CFAP299: variants seen among roughly 807,000 people sequenced by gnomAD.
CFAP299 encodes cilia and flagella associated protein 299, also known as cilia- and flagella-associated protein 299.
A neutral mutation model predicts 27.0 loss-of-function variants in CFAP299; 21 were observed. The ratio of observed to expected loss-of-function variants is 0.78; its 90% CI spans 0.55 to 1.12. CFAP299 has a LOEUF of 1.12. Among genes scored for constraint, CFAP299 ranks in the 50% most tolerant of loss-of-function variants. The pLI, the probability that CFAP299 is intolerant of heterozygous loss-of-function variation, is 0.00. For missense variants in CFAP299, 310 were observed against 276.6 expected (o/e 1.12, Z -0.86); for synonymous variants, 104 against 98.1 (o/e 1.06, Z -0.36).
At position 80,439,746 on chromosome 4, in the gene CFAP299, T is replaced by C. The variant is rs560594391; in HGVS notation, c.242+76862T>C. ...GAAGCCAGGGAGCCAAGTGGTCTTG[T>C]TCAGCAGGTCCCACTTCCACAGAGC... is the stretch of plus-strand genomic sequence containing the variant. On this transcript the variant is annotated intron_variant, in intron 2 of 5. Coordinates refer to ENST00000358105, the MANE Select transcript of CFAP299 (RefSeq NM_152770.3). Among the ~76,000 whole-genome samples the C allele has an allele frequency of 2.0e-5, 3 of 152,282 alleles. No individual in the cohort carries two copies. In the East Asian group the frequency reaches 5.8e-4, roughly 29 times the overall value.
chr4:80,335,212 A>AT (rs1560517305), upstream of CFAP299, among the ~76,000 whole-genome samples: 4 of 152,166 alleles, frequency 2.6e-5, no homozygotes, highest in African/African-American at 9.7e-5. Context: ...CTGCAAAGAC[A>AT]TTTTTTTGAC....
chr4:80,963,388 T>C (rs1738439868), intron 5 of CFAP299, 129 bp from the exon 6 acceptor site: 1 of 635,692 alleles, frequency 1.6e-6, no homozygotes, highest in Admixed American at 3.1e-5. Context: ...AAAACATGTA[T>C]ATATCTCCGT....
intron 3 of CFAP299, among the ~76,000 whole-genome samples, chr4:80,707,000 A>G (rs1039209259): frequency 6.6e-6 from 1 of 152,016 alleles, no homozygotes; most frequent in Non-Finnish European, 1.5e-5. Flanking sequence ...CAAGTTGCCA[A>G]TAAAGGCTTT....
At chr4:80,800,279 TATATA>T (rs1253823814) in intron 3 of CFAP299, among the ~76,000 whole-genome samples, 4 of 73,206 alleles carry the variant, frequency 5.5e-5, no homozygotes, top group Non-Finnish European at 9.1e-5. Flanking sequence ...ATATATATAA[TATATA>T]ATATATTAAT....
At chr4:80,477,226 T>A (rs1730327700) in intron 2 of CFAP299, among the ~76,000 whole-genome samples, 1 of 152,082 alleles carries the variant, frequency 6.6e-6, no homozygotes, top group East Asian at 1.9e-4. Flanking sequence ...TGTGCCCAGC[T>A]AATTTTTGTA....
intron 3 of CFAP299, among the ~76,000 whole-genome samples, chr4:80,667,512 G>A (rs1230443050): frequency 6.6e-6 from 1 of 151,874 alleles, no homozygotes; most frequent in Non-Finnish European, 1.5e-5. Context: ...AACCTTTCCT[G>A]TCCTCTGGTC....
chr4:80,849,953 A>G (rs991697796), intron 3 of CFAP299, among the ~76,000 whole-genome samples: 1 of 152,180 alleles, frequency 6.6e-6, no homozygotes, highest in Non-Finnish European at 1.5e-5. Flanking sequence ...CAATGTATAC[A>G]TATATTGAAA....
intron 4 of CFAP299, among the ~76,000 whole-genome samples, chr4:80,921,606 G>A (rs1736050182): frequency 6.6e-6 from 1 of 152,052 alleles, no homozygotes; most frequent in African/African-American, 2.4e-5. Context: ...CCATGTAAAA[G>A]CAGTAGGACA....
intron 4 of CFAP299, among the ~76,000 whole-genome samples, chr4:80,893,540 A>T (rs1472190041): frequency 6.6e-6 from 1 of 152,020 alleles, no homozygotes; most frequent in African/African-American, 2.4e-5. Flanking sequence ...ATGGAACAGA[A>T]TAGAGAACAC....
chr4:80,866,904 A>G (rs1053377362), intron 3 of CFAP299, among the ~76,000 whole-genome samples: 1 of 152,230 alleles, frequency 6.6e-6, no homozygotes, highest in African/African-American at 2.4e-5. Context: ...TTAGATTATC[A>G]GTCATTTTAC....
At chr4:80,944,064 C>CAATAAATAAATA (rs199854313) in intron 4 of CFAP299, among the ~76,000 whole-genome samples, 8 of 144,392 alleles carry the variant, frequency 5.5e-5, no homozygotes, top group Admixed American at 3.5e-4. Flanking sequence ...GACTCCATCT[C>CAATAAATAAATA]AATAAATAAA....
chr4:80,507,264 C>T (rs369067414), intron 2 of CFAP299, among the ~76,000 whole-genome samples: 2 of 152,146 alleles, frequency 1.3e-5, no homozygotes, highest in Non-Finnish European at 2.9e-5. Context: ...GCACTGGTAA[C>T]AGTGACATTT....
chr4:80,862,286 C>G (rs1732428061), intron 3 of CFAP299, among the ~76,000 whole-genome samples: 1 of 152,084 alleles, frequency 6.6e-6, no homozygotes, highest in African/African-American at 2.4e-5. Flanking sequence ...AGGAGAATCA[C>G]TTGAAACTGG....
chr4:80,489,972 C>T (rs1731030514), intron 2 of CFAP299, among the ~76,000 whole-genome samples: 1 of 152,080 alleles, frequency 6.6e-6, no homozygotes, highest in Admixed American at 6.6e-5. Flanking sequence ...ACAGTTATAA[C>T]TCCCGTGTCA....
chr4:80,800,248 AATAT>A (rs1424503995), intron 3 of CFAP299, among the ~76,000 whole-genome samples: 2 of 71,572 alleles, frequency 2.8e-5, no homozygotes, highest in African/African-American at 1.2e-4. Context: ...TATAATATAT[AATAT>A]ATATTATATA....
At chr4:80,367,414 A>G (rs897983559) in intron 2 of CFAP299, among the ~76,000 whole-genome samples, 1 of 152,134 alleles carries the variant, frequency 6.6e-6, no homozygotes, top group Non-Finnish European at 1.5e-5. Flanking sequence ...GAACACATCC[A>G]TTTTGCCTCA....
intron 5 of CFAP299, among the ~76,000 whole-genome samples, chr4:80,951,841 T>A (rs1737793936): frequency 6.6e-6 from 1 of 152,192 alleles, no homozygotes; most frequent in Admixed American, 6.5e-5. Flanking sequence ...CTTTAAGTCA[T>A]TGAAATTACA....
chr4:80,867,239 T>C (rs1225707169), intron 3 of CFAP299, among the ~76,000 whole-genome samples: 1 of 152,196 alleles, frequency 6.6e-6, no homozygotes, highest in African/African-American at 2.4e-5. Context: ...TAATGGTTTT[T>C]ATGTGAAAAT....
At chr4:80,457,122 C>A (rs1464713701) in intron 2 of CFAP299, among the ~76,000 whole-genome samples, 1 of 151,958 alleles carries the variant, frequency 6.6e-6, no homozygotes. Context: ...AAAATGTAGC[C>A]ACTTCAAATA....
Sources: gnomAD v4.1 joint callset for allele counts (sites outside exome capture counted in the v4.1 genomes callset) on GRCh38, gnomAD v4.1.1 for gene constraint, MANE v1.5 for transcripts, NCBI Gene and HGNC (gene_info 2026-07-23, HGNC 2026-07-21) for gene names.